Variants in TRDMT1 observed in about 807,000 individuals in gnomAD.
TRDMT1 encodes the protein tRNA (cytosine(38)-C(5))-methyltransferase.
In TRDMT1, 49 loss-of-function variants were observed where a neutral mutation model predicts 51.2. The ratio of observed to expected loss-of-function variants is 0.96; its 90% CI spans 0.76 to 1.21. The LOEUF is 1.21. Ranked by LOEUF, TRDMT1 falls within the 50% of genes most tolerant of loss-of-function variation. The pLI is 0.00. For missense variants in TRDMT1, 534 were observed against 462.3 expected (o/e 1.16, Z -1.42); for synonymous variants, 187 against 164.6 (o/e 1.14, Z -1.04).
chr10:17,157,300 G>T, intron 8 of TRDMT1, 141 bp downstream of exon 8: 1 of 733,640 alleles, frequency 1.4e-6, no homozygotes, highest in Non-Finnish European at 2.1e-6. Flanking sequence ...GGAACATGAA[G>T]TAGGCAATTA....
Position 17,147,293 on chromosome 10 carries a change from GAT to G in TRDMT1, c.*1745_*1746del. 1 of 985,544 alleles carries G rather than the reference GAT, an allele frequency of 1.0e-6. No individual in the cohort carries two copies. The highest frequency in any genetic ancestry group is 4.7e-5 in the South Asian group (1 of 21,280). The allele number at this position is 985,544 out of a possible 1,614,324, so 61.0% of individuals were successfully genotyped here. ...AACACATATGAAAAATGTAGATAGTGATAGTTTCTGTATATGGGCTGGCTTAC... is the reference window on the plus strand; with the variant it reads ...AACACATATGAAAAATGTAGATAGTGAGTTTCTGTATATGGGCTGGCTTAC... On this transcript the variant is annotated 3_prime_UTR_variant, in exon 11 of 11. Coordinates refer to ENST00000377799, the MANE Select transcript of TRDMT1 (RefSeq NM_004412.7).
intron 1 of TRDMT1, among the ~76,000 whole-genome samples, chr10:17,200,351 G>A (rs1845984907): frequency 1.3e-5 from 2 of 152,178 alleles, no homozygotes; most frequent in Non-Finnish European, 2.9e-5. Flanking sequence ...AGAGTAAATA[G>A]TACTAGAGTT....
chr10:17,165,996 T>C (rs537026324), intron 3 of TRDMT1, among the ~76,000 whole-genome samples: 1 of 152,284 alleles, frequency 6.6e-6, no homozygotes, highest in East Asian at 1.9e-4. Context: ...AGAAATACCA[T>C]TTGACCCTGC....
chr10:17,200,835 T>C (rs1026622345), intron 1 of TRDMT1, among the ~76,000 whole-genome samples: 2 of 152,148 alleles, frequency 1.3e-5, no homozygotes, highest in African/African-American at 2.4e-5. Context: ...GATAATAATG[T>C]ATAATATTTG....
At chr10:17,159,353 C>G in intron 6 of TRDMT1, 124 bp from the exon 7 acceptor site, 1 of 564,674 alleles carries the variant, frequency 1.8e-6, no homozygotes, top group Non-Finnish European at 3.1e-6. Context: ...TCTACCACAG[C>G]AAAATTTGCT....
rs1009842765 is a variant in TRDMT1, at chr10:17,188,476, T to A, written c.64+13095A>T. On this transcript the variant is annotated intron_variant, in intron 1 of 10. Coordinates refer to ENST00000377799, the MANE Select transcript of TRDMT1 (RefSeq NM_004412.7). ...GCATGACTGACGCTGGCGCTGGCTC[T>A]GGCTCCAGGCAGAGATGATAAAACA... 9.1e-4 allele frequency among the ~76,000 whole-genome samples: 134 copies of A among 147,716 alleles called. 1 individual carries two copies. The highest frequency in any genetic ancestry group is 1.2e-3 in the Non-Finnish European group (77 of 66,480).
intron 2 of TRDMT1, chr10:17,171,813 C>T (rs1388030369): frequency 6.5e-6 from 1 of 152,792 alleles, no homozygotes; most frequent in African/African-American, 2.4e-5. Context: ...TACTTTGATT[C>T]ATCTCTTGCT....
intron 1 of TRDMT1, among the ~76,000 whole-genome samples, chr10:17,198,673 G>C (rs367796239): frequency 2.6e-5 from 4 of 152,178 alleles, no homozygotes; most frequent in African/African-American, 9.7e-5. Context: ...TTGTTTAACA[G>C]GTACAGAGCT....
intron 10 of TRDMT1, chr10:17,150,730 A>G (rs907055069): frequency 3.7e-5 from 36 of 985,110 alleles, no homozygotes; most frequent in Admixed American, 6.2e-5. Context: ...CTTCATTGAC[A>G]CTTGACATTT....
At chr10:17,186,226 A>C (rs1045563741) in intron 1 of TRDMT1, among the ~76,000 whole-genome samples, 2 of 152,140 alleles carry the variant, frequency 1.3e-5, no homozygotes, top group African/African-American at 4.8e-5. Context: ...GTGATAGGCA[A>C]AATAATAATC....
rs1472423536 is a variant in TRDMT1, at chr10:17,149,784, T to G, written c.1076-644A>C. 2.0e-5 allele frequency among the ~76,000 whole-genome samples: 3 copies of G among 152,192 alleles called. No homozygotes were observed. In the East Asian group the frequency reaches 5.8e-4, roughly 29 times the overall value. On this transcript the variant is annotated intron_variant, in intron 10 of 10. Transcript: ENST00000377799. Reference sequence around the variant, plus strand: ...CTTTCACTAAACATGTTTTAAACATTCATTCATGTCATAGCATGTATTAAT... The same window carrying G: ...CTTTCACTAAACATGTTTTAAACATGCATTCATGTCATAGCATGTATTAAT...
At chr10:17,196,945 G>A (rs1022975763) in intron 1 of TRDMT1, among the ~76,000 whole-genome samples, 1 of 152,096 alleles carries the variant, frequency 6.6e-6, no homozygotes, top group African/African-American at 2.4e-5. Context: ...ACCTCTCAAG[G>A]GAAAACTGCG....
intron 1 of TRDMT1, among the ~76,000 whole-genome samples, chr10:17,175,993 T>C (rs1842575792): frequency 6.6e-6 from 1 of 152,230 alleles, no homozygotes; most frequent in South Asian, 2.1e-4. Flanking sequence ...TGCATTGAAG[T>C]GCAATAACTA....
At position 17,142,826 on chromosome 10, in the gene TRDMT1, C is replaced by T. The variant is rs754788436; in HGVS notation, c.*6214G>A. 43 of 295,948 alleles carry T rather than the reference C, an allele frequency of 1.5e-4. No individual in the cohort carries two copies. Among genetic ancestry groups the T allele is most frequent in the Admixed American group, 4.5e-4 (7 of 15,430 alleles). 18.3% of individuals were successfully genotyped at this position (295,948 alleles called of 1,614,324 possible). ...TGTTCCTCTAGTCTTGGGGTCCCTC[C>T]GCAGTGTGTCTTCCTGGTCCCACCT... On this transcript the variant is annotated 3_prime_UTR_variant, in exon 11 of 11. Coordinates refer to ENST00000377799, the MANE Select transcript of TRDMT1 (RefSeq NM_004412.7).
chr10:17,147,251 G>A lies in TRDMT1; in HGVS notation c.*1789C>T. 2.0e-6 allele frequency: 2 copies of A among 985,752 alleles called. No individual in the cohort carries two copies. Among genetic ancestry groups the A allele is most frequent in the African/African-American group, 3.5e-5 (2 of 57,340 alleles). 61.1% of individuals were successfully genotyped at this position (985,752 alleles called of 1,614,324 possible). A position where few individuals can be genotyped will look rare whatever the true frequency, so the allele number is the denominator to read the frequency against. On this transcript the variant is annotated 3_prime_UTR_variant, in exon 11 of 11. Coordinates refer to ENST00000377799, the MANE Select transcript of TRDMT1 (RefSeq NM_004412.7). Reference sequence around the variant, plus strand: ...TTGTTTACTGAAATTTATGAGACTTGTAATAGGCTCTGTCTGAACACATAT... The same window carrying A: ...TTGTTTACTGAAATTTATGAGACTTATAATAGGCTCTGTCTGAACACATAT...
chr10:17,201,263 G>C, intron 1 of TRDMT1: 1 of 337,482 alleles, frequency 3.0e-6, no homozygotes, highest in Non-Finnish European at 5.5e-6. Flanking sequence ...CCAGGCGAGG[G>C]TCTCGCCCCT....
intron 1 of TRDMT1, among the ~76,000 whole-genome samples, chr10:17,188,681 C>T (rs1844274583): frequency 6.6e-6 from 1 of 152,116 alleles, no homozygotes; most frequent in Admixed American, 6.6e-5. Context: ...ATCAACAGAG[C>T]CACCTTTTAA....
intron 1 of TRDMT1, among the ~76,000 whole-genome samples, chr10:17,198,941 C>G (rs1845797939): frequency 6.6e-6 from 1 of 152,022 alleles, no homozygotes; most frequent in South Asian, 2.1e-4. Flanking sequence ...GTAGTTCTAA[C>G]CAGAACAACG....
intron 8 of TRDMT1, among the ~76,000 whole-genome samples, 155 bp downstream of exon 8, chr10:17,157,286 T>A (rs1384100587): frequency 6.6e-6 from 1 of 152,212 alleles, no homozygotes; most frequent in Non-Finnish European, 1.5e-5. Context: ...ACTTGTGTTC[T>A]ACTGGAACAT....
Sources: allele counts gnomAD v4.1 joint callset (sites outside exome capture counted in the v4.1 genomes callset), GRCh38; gene constraint gnomAD v4.1.1; transcripts MANE v1.5; gene names NCBI Gene and HGNC (gene_info 2026-07-23, HGNC 2026-07-21).